AGAP1: variants seen among roughly 807,000 people sequenced by gnomAD.
AGAP1 encodes arf-GAP with GTPase, ANK repeat and PH domain-containing protein 1.
A neutral mutation model predicts 105.3 loss-of-function variants in AGAP1; 29 were observed. That is an observed-to-expected ratio of 0.28 (90% CI 0.21 to 0.38). AGAP1 has a LOEUF of 0.38. AGAP1 is among the 10% of genes least tolerant of loss of function. AGAP1 has a pLI of 1.00. For synonymous variants in AGAP1, 509 were observed against 485.9 expected (o/e 1.05, Z -0.63); for missense variants, 998 against 1,165.1 (o/e 0.86, Z 2.09).
rs1462531264 is a variant in AGAP1 at position 235,888,205 on chromosome 2, G to C, written c.1155+4756G>C. Among the ~76,000 whole-genome samples, 1 of 152,150 alleles carries C rather than the reference G, an allele frequency of 6.6e-6. No individual in the cohort carries two copies. The highest frequency in any genetic ancestry group is 1.5e-5 in the Non-Finnish European group (1 of 68,034). ...GCCAATGTGGTTATGGGCAGGGGGC[G>C]GGGGAGCGGGTAGTTCAGGAGGATC... On this transcript the variant is annotated intron_variant, in intron 10 of 17. Transcript: ENST00000304032. This position sits in a 1 kb window ranked among gnomAD's most constrained non-coding sequence, Gnocchi z 4.8.
At chr2:236,031,185 T>G (rs1196245103) in intron 13 of AGAP1, among the ~76,000 whole-genome samples, 1 of 152,082 alleles carries the variant, frequency 6.6e-6, no homozygotes, top group African/African-American at 2.4e-5. Context: ...AGGAAGTGAC[T>G]CTCTAAGCTT....
In AGAP1 at chr2:235,734,536, AAAAG is replaced by A. The variant is rs1952133774; in HGVS notation, c.311-6424_311-6421del. On this transcript the variant is annotated intron_variant, in intron 3 of 17. Coordinates refer to ENST00000304032, the MANE Select transcript of AGAP1 (RefSeq NM_001037131.3). The surrounding 1 kb of genome is among the most constrained non-coding windows in gnomAD (Gnocchi z 5.3). The stretch of plus-strand genomic sequence containing the variant: ...CCTTAGCTCAGGCATGAAAAAAAAA[AAAAG>A]AATAGTAAAAATTAAAAACCCTTTA... Among the ~76,000 whole-genome samples the A allele has an allele frequency of 6.6e-6, 1 of 152,208 alleles. No homozygotes were observed. Among genetic ancestry groups the A allele is most frequent in the Non-Finnish European group, 1.5e-5 (1 of 68,038 alleles).
chr2:236,051,226 A>G lies in AGAP1; in HGVS notation c.2114+1945A>G, dbSNP rs1354412005. On this transcript the variant is annotated intron_variant, in intron 16 of 17. Transcript: ENST00000304032. This position sits in a 1 kb window ranked among gnomAD's most constrained non-coding sequence, Gnocchi z 5.9. ...CCTTTGCACCTAAGAAGATAAACAC[A>G]TACGAGAACTGAATATTTCTTTGTG... Among the ~76,000 whole-genome samples, 2 of 152,254 alleles carry G rather than the reference A, an allele frequency of 1.3e-5. No homozygotes were observed. Among genetic ancestry groups the G allele is most frequent in the Non-Finnish European group, 2.9e-5 (2 of 68,044 alleles).
chr2:235,703,080 A>G (rs1950339943), intron 1 of AGAP1, among the ~76,000 whole-genome samples: 1 of 151,450 alleles, frequency 6.6e-6, no homozygotes, highest in Admixed American at 6.6e-5. Context: ...GGCGCACACC[A>G]CCTCACTTGG....
Position 235,741,835 on chromosome 2 carries a change from G to A in AGAP1, c.396+787G>A, listed in dbSNP as rs1952608106. 6.6e-6 allele frequency among the ~76,000 whole-genome samples: 1 copy of A among 151,006 alleles called. No homozygotes were observed. The highest frequency in any genetic ancestry group is 6.6e-5 in the Admixed American group (1 of 15,130). On this transcript the variant is annotated intron_variant, in intron 4 of 17. Coordinates refer to ENST00000304032, the MANE Select transcript of AGAP1 (RefSeq NM_001037131.3). The surrounding 1 kb of genome is among the most constrained non-coding windows in gnomAD (Gnocchi z 4.9). ...GTGACGTGATCTCGGCTCACTACAA[G>A]CTCCACCTCCCAGGTTCAGGCCATT...
intron 1 of AGAP1, among the ~76,000 whole-genome samples, chr2:235,606,527 G>A (rs1945943876): frequency 6.6e-6 from 1 of 152,136 alleles, no homozygotes; most frequent in Admixed American, 6.5e-5. Context: ...TTAAAAAAGT[G>A]GGCATCAGAA....
chr2:235,801,890 A>G lies in AGAP1; in HGVS notation c.957+2368A>G, dbSNP rs370762047. 3.3e-5 allele frequency among the ~76,000 whole-genome samples: 5 copies of G among 151,990 alleles called. No homozygotes were observed. The highest frequency in any genetic ancestry group is 1.2e-4 in the African/African-American group (5 of 41,374). ...TTAAGGAGAGAAATTTTAAAACCAC[A>G]AAGTATCTTTAAAAATGAGACTATT... On this transcript the variant is annotated intron_variant, in intron 8 of 17. Transcript: ENST00000304032. This position sits in a 1 kb window ranked among gnomAD's most constrained non-coding sequence, Gnocchi z 6.0.
At chr2:235,562,615 C>T (rs1048410951) in intron 1 of AGAP1, among the ~76,000 whole-genome samples, 2 of 152,162 alleles carry the variant, frequency 1.3e-5, no homozygotes, top group Admixed American at 6.5e-5. Flanking sequence ...CAAAACCCTC[C>T]TCCACATGCC....
At position 235,689,366 on chromosome 2, in the gene AGAP1, G is replaced by A. The variant is rs1011940870; in HGVS notation, c.164-19813G>A. The stretch of plus-strand genomic sequence containing the variant: ...TGAGCCTGCTGCTGTTCATCGGCCC[G>A]TAGGGTCTCCAGCACAATACCGGGT... On this transcript the variant is annotated intron_variant, in intron 1 of 17. Coordinates refer to ENST00000304032, the MANE Select transcript of AGAP1 (RefSeq NM_001037131.3). The surrounding 1 kb of genome is among the most constrained non-coding windows in gnomAD (Gnocchi z 4.2). 4.6e-5 allele frequency among the ~76,000 whole-genome samples: 7 copies of A among 152,250 alleles called. No individual in the cohort carries two copies. Among genetic ancestry groups the A allele is most frequent in the African/African-American group, 1.2e-4 (5 of 41,476 alleles).
At chr2:235,995,753 A>G (rs2055785384) in intron 13 of AGAP1, among the ~76,000 whole-genome samples, 1 of 152,194 alleles carries the variant, frequency 6.6e-6, no homozygotes, top group Non-Finnish European at 1.5e-5. Context: ...TCTCGGAGCC[A>G]TACTCTAGAT....
In AGAP1 at chr2:236,078,037, TTGTGTGTGTGTGTGTGTGTGTG is replaced by T. The variant is rs9287595; in HGVS notation, c.2114+28772_2114+28793del. On this transcript the variant is annotated intron_variant, in intron 16 of 17. Coordinates refer to ENST00000304032, the MANE Select transcript of AGAP1 (RefSeq NM_001037131.3). This position sits in a 1 kb window ranked among gnomAD's most constrained non-coding sequence, Gnocchi z 5.3. Reference sequence around the variant, plus strand: ...AGGGTTCTCCAGAGAAACAACCAATTTGTGTGTGTGTGTGTGTGTGTGTGTGTGTGTGTGTGTAATCTGAAGT... The same window carrying T: ...AGGGTTCTCCAGAGAAACAACCAATTTGTGTGTGTGTGTGTAATCTGAAGT... Among the ~76,000 whole-genome samples the T allele has an allele frequency of 7.1e-6, 1 of 140,414 alleles. No homozygotes were observed. The highest frequency in any genetic ancestry group is 2.7e-5 in the African/African-American group (1 of 37,648). 92.1% of individuals were successfully genotyped at this position (140,414 alleles called of 152,430 possible).
chr2:235,718,289 A>G (rs1559392025), intron 3 of AGAP1: 1 of 843,498 alleles, frequency 1.2e-6, no homozygotes, highest in Non-Finnish European at 1.4e-6. Flanking sequence ...TCTAAATGAA[A>G]TTTTCTCTCC....
intron 9 of AGAP1, among the ~76,000 whole-genome samples, chr2:235,857,481 C>T (rs980362734): frequency 1.3e-5 from 2 of 152,180 alleles, no homozygotes; most frequent in South Asian, 2.1e-4. Context: ...GTCCTGACCC[C>T]GACCCTCCCG....
In AGAP1 at chr2:236,000,104, A is replaced by G. The variant is rs1434549908; in HGVS notation, c.1645+31481A>G. On this transcript the variant is annotated intron_variant, in intron 13 of 17. Transcript: ENST00000304032. The surrounding 1 kb of genome is among the most constrained non-coding windows in gnomAD (Gnocchi z 4.3). ...TAGTAGCCATAACCGTGCAGCATCC[A>G]TCGGGAGGACACACACCCCTGCAGG... 6.6e-6 allele frequency among the ~76,000 whole-genome samples: 1 copy of G among 152,172 alleles called. No individual in the cohort carries two copies. Among genetic ancestry groups the G allele is most frequent in the Non-Finnish European group, 1.5e-5 (1 of 68,036 alleles).
intron 9 of AGAP1, among the ~76,000 whole-genome samples, chr2:235,808,115 A>G (rs1237862939): frequency 1.3e-5 from 2 of 152,026 alleles, no homozygotes; most frequent in African/African-American, 2.4e-5. Flanking sequence ...ATAAAAATAG[A>G]GTTCAACCCC....
intron 1 of AGAP1, among the ~76,000 whole-genome samples, chr2:235,645,999 G>A (rs368002251): frequency 8.5e-4 from 129 of 152,202 alleles, no homozygotes; most frequent in African/African-American, 2.2e-3. Context: ...TGTTCTGGGC[G>A]GGCGCAGTGG....
rs1162999356 is a variant in AGAP1 at position 235,734,847 on chromosome 2, G to A, written c.311-6116G>A. ...AGGAGGCGTAAGAAGCAGTCAGAAC[G>A]TCTGGATTGGAGTCTTGGTCCTGCC... is the stretch of plus-strand genomic sequence containing the variant. On this transcript the variant is annotated intron_variant, in intron 3 of 17. Coordinates refer to ENST00000304032, the MANE Select transcript of AGAP1 (RefSeq NM_001037131.3). The surrounding 1 kb of genome is among the most constrained non-coding windows in gnomAD (Gnocchi z 5.3). 6.6e-6 allele frequency among the ~76,000 whole-genome samples: 1 copy of A among 152,252 alleles called. No individual in the cohort carries two copies. The highest frequency in any genetic ancestry group is 1.5e-5 in the Non-Finnish European group (1 of 68,048).
chr2:235,746,245 C>A lies in AGAP1; in HGVS notation c.538+1406C>A, dbSNP rs570559471. 2.1e-3 allele frequency among the ~76,000 whole-genome samples: 317 copies of A among 151,178 alleles called. 1 individual carries two copies. The highest frequency in any genetic ancestry group is 3.3e-3 in the Non-Finnish European group (227 of 67,808). On this transcript the variant is annotated intron_variant, in intron 5 of 17. Transcript: ENST00000304032. ...AGGTTGCAGTGAGCCAAGATCGTGC[C>A]ACTGCACTCCAGCCTGGTAGACAGA... is the stretch of plus-strand genomic sequence containing the variant.
chr2:236,001,268 G>GC lies in AGAP1; in HGVS notation c.1645+32647dup, dbSNP rs780341311. 2.0e-5 allele frequency among the ~76,000 whole-genome samples: 3 copies of GC among 152,216 alleles called. No homozygotes were observed. The highest frequency in any genetic ancestry group is 4.4e-5 in the Non-Finnish European group (3 of 68,042). Reference sequence around the variant, plus strand: ...AGCCTTCATGGGGAGCCCTGGCATGGCCTTCAGGCCTCCGAGGAACCCAGA... The same window carrying GC: ...AGCCTTCATGGGGAGCCCTGGCATGGCCCTTCAGGCCTCCGAGGAACCCAGA... On this transcript the variant is annotated intron_variant, in intron 13 of 17. Transcript: ENST00000304032. The surrounding 1 kb of genome is among the most constrained non-coding windows in gnomAD (Gnocchi z 4.7).
Sources: gnomAD v4.1 joint callset for allele counts (sites outside exome capture counted in the v4.1 genomes callset) on GRCh38, gnomAD v4.1.1 for gene constraint, Gnocchi (gnomAD v3.1) non-coding constraint, MANE v1.5 for transcripts, NCBI Gene and HGNC (gene_info 2026-07-23, HGNC 2026-07-21) for gene names.